PMPCA: variants seen among roughly 807,000 people sequenced by gnomAD.
The protein encoded by PMPCA is peptidase, mitochondrial processing subunit alpha.
In PMPCA, 47 loss-of-function variants were observed where a neutral mutation model predicts 59.3. That is an observed-to-expected ratio of 0.79 (90% CI 0.63 to 1.01). The LOEUF (loss-of-function observed/expected upper bound fraction) is 1.01. Ranked by LOEUF, PMPCA falls within the 50% of genes least tolerant of loss-of-function variation. The pLI, the probability that PMPCA is intolerant of heterozygous loss-of-function variation, is 0.00. For missense variants in PMPCA, 726 were observed against 704.5 expected (o/e 1.03, Z -0.34); for synonymous variants, 338 against 290.3 (o/e 1.16, Z -1.67).
At chr9:136,412,279 C>T (rs1263415239) in intron 2 of PMPCA, 80 bp downstream of exon 2, 9 of 1,064,468 alleles carry the variant, frequency 8.5e-6, no homozygotes, top group South Asian at 7.6e-5. Context: ...TTGTAATTAG[C>T]ATGCCAATTA....
At chr9:136,419,423 C>T (rs1835384216) in intron 11 of PMPCA, 1 of 493,548 alleles carries the variant, frequency 2.0e-6, no homozygotes. Context: ...GTGACTCTCT[C>T]AGCTTTGCTG....
chr9:136,419,161 A>G, intron 11 of PMPCA, 55 bp downstream of exon 11: 3 of 1,494,040 alleles, frequency 2.0e-6, no homozygotes, highest in Non-Finnish European at 2.8e-6. Flanking sequence ...GACAGGAGAC[A>G]GCCACGTTGT....
At chr9:136,413,539 G>C (rs1165737777) in intron 4 of PMPCA, among the ~76,000 whole-genome samples, 3 of 152,164 alleles carry the variant, frequency 2.0e-5, no homozygotes, top group African/African-American at 7.2e-5. Flanking sequence ...ACACATAAAA[G>C]ACACATTAAA....
Position 136,423,411 on chromosome 9 carries a change from T to G in PMPCA, c.*147T>G. On this transcript the variant is annotated 3_prime_UTR_variant, in exon 13 of 13. Transcript: ENST00000371717. Reference sequence around the variant, plus strand: ...CGCCACAGCACCCACGCGGTTTGCATTCTTTTGGAACTCAATGTGCCGATC... The same window carrying G: ...CGCCACAGCACCCACGCGGTTTGCAGTCTTTTGGAACTCAATGTGCCGATC... The G allele has an allele frequency of 1.2e-6, 1 of 802,254 alleles. No individual in the cohort carries two copies. Among genetic ancestry groups the G allele is most frequent in the African/African-American group, 1.7e-5 (1 of 57,736 alleles). The allele number at this position is 802,254 out of a possible 1,614,324, so 49.7% of individuals were successfully genotyped here.
chr9:136,414,669 G>T (rs533227179), intron 5 of PMPCA, 22 bp downstream of exon 5: 4 of 1,504,398 alleles, frequency 2.7e-6, no homozygotes, highest in Non-Finnish European at 3.7e-6. Context: ...AGCCGCTGGC[G>T]TTTGAGGTGG....
intron 11 of PMPCA, chr9:136,419,461 C>A: frequency 2.4e-6 from 1 of 417,108 alleles, no homozygotes; most frequent in Non-Finnish European, 4.5e-6. Context: ...TTTTTGTGTC[C>A]TTCTCAGCCG....
In PMPCA at chr9:136,423,493, GC is replaced by G; in HGVS notation, c.*230del. On this transcript the variant is annotated 3_prime_UTR_variant, in exon 13 of 13. Transcript: ENST00000371717. ...AGCCAGGAAGCAGGTGAAGTGCCCA[GC>G]GCTGGAGTGCAGCGTGCCACGAGGA... The G allele has an allele frequency of 1.9e-6, 1 of 530,456 alleles. No individual in the cohort carries two copies. The highest frequency in any genetic ancestry group is 2.3e-5 in the South Asian group (1 of 42,626). 32.9% of individuals were successfully genotyped at this position (530,456 alleles called of 1,614,324 possible). A position where few individuals can be genotyped will look rare whatever the true frequency, so the allele number is the denominator to read the frequency against.
In PMPCA at chr9:136,418,125, G is replaced by A. The variant is rs753223540; in HGVS notation, c.990+16G>A. On this transcript the variant is annotated intron_variant, in intron 8 of 12. Transcript: ENST00000371717. ...CTCCTTCCTGGTGAGTCCTGGTGCT[G>A]GGTCTGATGGCGTTCCTGATGCAGT... 23 of 1,566,928 alleles carry A rather than the reference G, an allele frequency of 1.5e-5. No homozygotes were observed. The Admixed American group carries it at 3.8e-4, about 26-fold the overall frequency.
chr9:136,416,941 T>A lies in PMPCA; in HGVS notation c.634-10T>A, dbSNP rs911708071. ...TTCAGTCACCTGTGTCTGTGGCTCT[T>A]CCCCATTAGGCGGCTTACAGGGAGA... On this transcript the variant is annotated splice_polypyrimidine_tract_variant and intron_variant, in intron 6 of 12. Coordinates refer to ENST00000371717, the MANE Select transcript of PMPCA (RefSeq NM_015160.3). 10 of 1,600,398 alleles carry A rather than the reference T, an allele frequency of 6.2e-6. No individual in the cohort carries two copies. The highest frequency in any genetic ancestry group is 1.7e-5 in the Admixed American group (1 of 59,602).
rs746193266 is a variant in PMPCA at position 136,418,892 on chromosome 9, A to C, written c.1174A>C (p.Ile392Leu). The change falls in exon 10 of 13, where the codon ATC (isoleucine) becomes CTC (leucine). Residue 392 changes from isoleucine to leucine, a missense_variant. By Grantham distance (5) the Ile-to-Leu change is conservative. Coordinates refer to ENST00000371717, the MANE Select transcript of PMPCA (RefSeq NM_015160.3). ...HSYEDTGLLC[I>L]HASADPRQVR... ...CTACGAGGACACTGGCCTCCTTTGC[A>C]TCCATGCCAGCGCCGACCCAAGACA... 3.2e-5 allele frequency: 51 copies of C among 1,613,648 alleles called. No homozygotes were observed. The highest frequency in any genetic ancestry group is 4.2e-5 in the Non-Finnish European group (49 of 1,179,992).
intron 4 of PMPCA, 137 bp downstream of exon 4, chr9:136,413,029 A>T (rs1835178722): frequency 6.0e-6 from 4 of 666,376 alleles, no homozygotes; most frequent in Non-Finnish European, 1.1e-5. Context: ...TCCTGGATGG[A>T]GACTTGGGTG....
In PMPCA at chr9:136,410,683, G is replaced by A. The variant is rs764126031; in HGVS notation, c.15G>A (p.Val5=). 3 of 1,416,804 alleles carry A rather than the reference G, an allele frequency of 2.1e-6. No homozygotes were observed. The highest frequency in any genetic ancestry group is 3.0e-5 in the Admixed American group (1 of 33,218). 87.8% of individuals were successfully genotyped at this position (1,416,804 alleles called of 1,614,324 possible). A position where few individuals can be genotyped will look rare whatever the true frequency, so the allele number is the denominator to read the frequency against. The change falls in exon 1 of 13, where the codon GTG becomes GTA. Residue 5 remains valine (V), a synonymous_variant. Transcript: ENST00000371717. MAAV[V]LAATRLLRGS... ...GGAGACGCAAGATGGCGGCTGTGGTGCTGGCGGCGACGCGGTTGCTGCGGG... is the reference window on the plus strand; with the variant it reads ...GGAGACGCAAGATGGCGGCTGTGGTACTGGCGGCGACGCGGTTGCTGCGGG...
Position 136,412,584 on chromosome 9 carries a change from T to C in PMPCA, c.354+15T>C, listed in dbSNP as rs192197966. The C allele has an allele frequency of 2.2e-5, 30 of 1,384,192 alleles. No homozygotes were observed. Among genetic ancestry groups the C allele is most frequent in the African/African-American group, 1.6e-4 (11 of 70,208 alleles). 85.7% of individuals were successfully genotyped at this position (1,384,192 alleles called of 1,614,324 possible). ...TGGCATTTTCGGTCAGTACCCAGTT[T>C]TGTAATTTTTTAGACTATACTTTTG... is the stretch of plus-strand genomic sequence containing the variant. On this transcript the variant is annotated intron_variant, in intron 3 of 12. Coordinates refer to ENST00000371717, the MANE Select transcript of PMPCA (RefSeq NM_015160.3).
rs1250797670 is a variant in PMPCA, at chr9:136,419,036, C to T, written c.1201-8C>T. On this transcript the variant is annotated splice_polypyrimidine_tract_variant and splice_region_variant and intron_variant, in intron 10 of 12. Transcript: ENST00000371717. ...GCCACACTGTTATCGTCTTGCCCTT[C>T]TTCGCAGGTTCGAGAAATGGTAGAA... 2 of 1,613,700 alleles carry T rather than the reference C, an allele frequency of 1.2e-6. No homozygotes were observed. Among genetic ancestry groups the T allele is most frequent in the Admixed American group, 1.7e-5 (1 of 60,034 alleles).
chr9:136,413,314 T>A lies in PMPCA; in HGVS notation c.437+422T>A, dbSNP rs1328926562. 2.6e-5 allele frequency among the ~76,000 whole-genome samples: 4 copies of A among 152,002 alleles called. No homozygotes were observed. The South Asian group carries it at 8.3e-4, about 32-fold the overall frequency. On this transcript the variant is annotated intron_variant, in intron 4 of 12. Coordinates refer to ENST00000371717, the MANE Select transcript of PMPCA (RefSeq NM_015160.3). ...GCTAGACACACGGGGCACAAGGCAT[T>A]CCAGACCAGGAGACAGCAGGGGCAA...
At position 136,416,491 on chromosome 9, in the gene PMPCA, G is replaced by C. The variant is rs775344461; in HGVS notation, c.633+100G>C. ...TGCCTCCGTGATGTTGTCCTTGCAGGTTATGGATATATACAGAACATTTTT... is the reference window on the plus strand; with the variant it reads ...TGCCTCCGTGATGTTGTCCTTGCAGCTTATGGATATATACAGAACATTTTT... On this transcript the variant is annotated intron_variant, in intron 6 of 12. Transcript: ENST00000371717. 9.6e-6 allele frequency: 8 copies of C among 835,548 alleles called. No individual in the cohort carries two copies. The South Asian group carries it at 1.1e-4, about 11-fold the overall frequency. The allele number at this position is 835,548 out of a possible 1,614,324, so 51.8% of individuals were successfully genotyped here.
chr9:136,421,134 C>T (rs1050513277), intron 11 of PMPCA, among the ~76,000 whole-genome samples: 2 of 152,214 alleles, frequency 1.3e-5, no homozygotes, highest in Non-Finnish European at 2.9e-5. Context: ...CTGGGCCCTG[C>T]GCCGGAGGCG....
chr9:136,410,695 G>A lies in PMPCA; in HGVS notation c.27G>A (p.Thr9=). Residue 9 remains threonine (T), a synonymous_variant, in exon 1 of 13, where the codon ACG becomes ACA. Coordinates refer to ENST00000371717, the MANE Select transcript of PMPCA (RefSeq NM_015160.3). MAAVVLAA[T]RLLRGSGSWG... is the part of the protein sequence containing the mutation. Reference sequence around the variant, plus strand: ...TGGCGGCTGTGGTGCTGGCGGCGACGCGGTTGCTGCGGGGCTCGGGTTCTT... The same window carrying A: ...TGGCGGCTGTGGTGCTGGCGGCGACACGGTTGCTGCGGGGCTCGGGTTCTT... The A allele has an allele frequency of 1.4e-6, 2 of 1,415,894 alleles. No individual in the cohort carries two copies. Among genetic ancestry groups the A allele is most frequent in the Non-Finnish European group, 1.8e-6 (2 of 1,086,652 alleles). The allele number at this position is 1,415,894 out of a possible 1,614,324, so 87.7% of individuals were successfully genotyped here.
chr9:136,416,736 A>G (rs986289142), intron 6 of PMPCA: 9 of 593,920 alleles, frequency 1.5e-5, no homozygotes, highest in African/African-American at 1.5e-4. Flanking sequence ...ACTAAACACA[A>G]TTAATCTTAG....
Sources: gnomAD v4.1 joint callset for allele counts (sites outside exome capture counted in the v4.1 genomes callset) on GRCh38, gnomAD v4.1.1 for gene constraint, MANE v1.5 for transcripts, NCBI Gene and HGNC (gene_info 2026-07-23, HGNC 2026-07-21) for gene names.